Variants in WDR26 observed in about 807,000 individuals in gnomAD.
WDR26 encodes WD repeat domain 26.
WDR26 carries 5 observed loss-of-function variants against 84.1 expected under a neutral mutation model. That is an observed-to-expected ratio of 0.06 (90% CI 0.03 to 0.13). The LOEUF is 0.13. Among genes scored for constraint, WDR26 ranks in the 10% least tolerant of loss-of-function variants. The pLI, the probability that WDR26 is intolerant of heterozygous loss-of-function variation, is 1.00. For synonymous variants in WDR26, 415 were observed against 389.6 expected, an observed-to-expected ratio of 1.07 and a Z score of -0.77; for missense variants, 642 against 974.9, an observed-to-expected ratio of 0.66 and a Z score of 4.55.
chr1:224,434,148 G>T lies in WDR26; in HGVS notation c.258C>A (p.Val86=), dbSNP rs1296524865. Residue 86 remains valine, a synonymous_variant, in exon 1 of 14, where the codon GTC becomes GTA. Coordinates refer to ENST00000414423, the MANE Select transcript of WDR26 (RefSeq NM_001379403.1). ...GGCTGTGGCCGCTACTTCGGTGGGG[G>T]ACAGCAGCGGCGGCGGGAGGGGCAG... 7 of 1,422,224 alleles carry T rather than the reference G, an allele frequency of 4.9e-6. No homozygotes were observed. Among genetic ancestry groups the T allele is most frequent in the Non-Finnish European group, 6.4e-6 (7 of 1,092,194 alleles). 88.1% of individuals were successfully genotyped at this position (1,422,224 alleles called of 1,614,324 possible). A position where few individuals can be genotyped will look rare whatever the true frequency, so the allele number is the denominator to read the frequency against.
chr1:224,418,445 AAAT>A, intron 5 of WDR26, 29 bp from the exon 6 acceptor site: 5 of 1,560,180 alleles, frequency 3.2e-6, no homozygotes, highest in East Asian at 2.4e-5. Context: ...TAAAAAAGAG[AAAT>A]AATAATAAAC....
chr1:224,397,990 AT>A, intron 12 of WDR26, 106 bp downstream of exon 12: 4 of 1,386,482 alleles, frequency 2.9e-6, no homozygotes, highest in Non-Finnish European at 3.9e-6. Context: ...AAATGAAAGA[AT>A]TTTAACTTAC....
chr1:224,400,056 T>A (rs1353297789), intron 9 of WDR26, among the ~76,000 whole-genome samples: 1 of 152,192 alleles, frequency 6.6e-6, no homozygotes, highest in Non-Finnish European at 1.5e-5. Context: ...TAGACTACAC[T>A]GCAAGTAACA....
chr1:224,425,345 A>C (rs937970972), intron 3 of WDR26, among the ~76,000 whole-genome samples: 3 of 152,198 alleles, frequency 2.0e-5, no homozygotes, highest in African/African-American at 7.2e-5. Flanking sequence ...GTTGAACTTA[A>C]AGGTTTTTAA....
At chr1:224,401,221 A>C in intron 8 of WDR26, 152 bp from the exon 9 acceptor site, 1 of 727,768 alleles carries the variant, frequency 1.4e-6, no homozygotes, top group Non-Finnish European at 2.1e-6. Context: ...AAGAGACAAC[A>C]GCACTCAGAA....
In WDR26 at chr1:224,422,657, T is replaced by C. The variant is rs375262311; in HGVS notation, c.1064+1861A>G. On this transcript the variant is annotated intron_variant, in intron 4 of 13. Transcript: ENST00000414423. ...TGAACCCAGGAGGCGAAGGCTGCAG[T>C]GAGCTGAGATTGCACCATTGCACCC... Among the ~76,000 whole-genome samples, 17 of 151,588 alleles carry C rather than the reference T, an allele frequency of 1.1e-4. No individual in the cohort carries two copies. In the East Asian group the frequency reaches 2.3e-3, roughly 21 times the overall value.
chr1:224,393,178 C>T (rs12759275), intron 13 of WDR26, among the ~76,000 whole-genome samples: 27,309 of 152,156 alleles, frequency 0.18, 2,731 homozygotes, highest in Middle Eastern at 0.23. Flanking sequence ...GACCTGATGG[C>T]ACTCAACAAG....
chr1:224,426,606 T>C (rs1330728544), intron 3 of WDR26, among the ~76,000 whole-genome samples: 2 of 151,314 alleles, frequency 1.3e-5, no homozygotes, highest in African/African-American at 4.9e-5. Flanking sequence ...TTAACCTTTC[T>C]ATGTTAAATG....
chr1:224,434,706 G>A lies in WDR26; in HGVS notation c.-301C>T. ...CAGTGGCTGCGGCGGCGGCGGCGGC[G>A]GGCGGCAGCGGAGGCAGCTGCCGCC... On this transcript the variant is annotated 5_prime_UTR_variant, in exon 1 of 14. Transcript: ENST00000414423. 1.1e-6 allele frequency: 1 copy of A among 948,292 alleles called. No individual in the cohort carries two copies. Among genetic ancestry groups the A allele is most frequent in the Non-Finnish European group, 1.3e-6 (1 of 797,184 alleles). The allele number at this position is 948,292 out of a possible 1,614,324, so 58.7% of individuals were successfully genotyped here. A position where few individuals can be genotyped will look rare whatever the true frequency, so the allele number is the denominator to read the frequency against.
intron 9 of WDR26, among the ~76,000 whole-genome samples, chr1:224,399,822 T>C (rs940437058): frequency 6.6e-6 from 1 of 152,194 alleles, no homozygotes; most frequent in African/African-American, 2.4e-5. Context: ...AAAATTGATC[T>C]GGGGTCGGGT....
chr1:224,434,751 CGCTCT>C lies in WDR26; in HGVS notation c.-351_-347del, dbSNP rs1456142614. The C allele has an allele frequency of 1.5e-5, 15 of 987,182 alleles. No individual in the cohort carries two copies. The South Asian group carries it at 5.4e-4, about 36-fold the overall frequency. 61.2% of individuals were successfully genotyped at this position (987,182 alleles called of 1,614,324 possible). ...GCCGCCTCTGTCCTCGGATCCGCTC[CGCTCT>C]GCTCCCTGGTGTGTTGATTCTTCCC... On this transcript the variant is annotated 5_prime_UTR_variant, in exon 1 of 14. Transcript: ENST00000414423.
At chr1:224,405,082 C>T (rs1673515720) in intron 7 of WDR26, among the ~76,000 whole-genome samples, 1 of 152,152 alleles carries the variant, frequency 6.6e-6, no homozygotes, top group Non-Finnish European at 1.5e-5. Context: ...CCATCAGCAG[C>T]TGCCATACCC....
At position 224,429,059 on chromosome 1, in the gene WDR26, C is replaced by T. The variant is rs1017649756; in HGVS notation, c.927+2418G>A. Among the ~76,000 whole-genome samples the T allele has an allele frequency of 5.9e-5, 9 of 152,072 alleles. No homozygotes were observed. In the East Asian group the frequency reaches 9.7e-4, roughly 16 times the overall value. On this transcript the variant is annotated intron_variant, in intron 3 of 13. Transcript: ENST00000414423. ...CGGGCGGATCACAAGGTCAGGAGTT[C>T]GGGACCAGCTTGGCCAATATGGTGA...
At chr1:224,391,385 A>AAC (rs1553351179) in intron 13 of WDR26, among the ~76,000 whole-genome samples, 278 of 45,778 alleles carry the variant, frequency 6.1e-3, no homozygotes, top group Middle Eastern at 0.017. Context: ...AAAAAAAAAC[A>AAC]AAAAAAAAAC....
intron 8 of WDR26, 120 bp downstream of exon 8, chr1:224,404,310 G>A: frequency 8.5e-7 from 1 of 1,182,582 alleles, no homozygotes; most frequent in South Asian, 2.3e-5. Flanking sequence ...ATAACTAAGA[G>A]ATACAGTATA....
In WDR26 at chr1:224,388,025, AT is replaced by A. The variant is rs1673028443; in HGVS notation, c.*1809del. 6.6e-6 allele frequency: 1 copy of A among 152,578 alleles called. No homozygotes were observed. Among genetic ancestry groups the A allele is most frequent in the South Asian group, 2.1e-4 (1 of 4,818 alleles). The allele number at this position is 152,578 out of a possible 1,614,324, so 9.5% of individuals were successfully genotyped here. A position where few individuals can be genotyped will look rare whatever the true frequency, so the allele number is the denominator to read the frequency against. ...GCTTGAAGAAATCTTTTACATACCA[AT>A]TTGATAAGAGTCTGCTGACCACGAT... On this transcript the variant is annotated 3_prime_UTR_variant, in exon 14 of 14. Transcript: ENST00000414423.
At chr1:224,407,151 A>AAAAAATAT in intron 7 of WDR26, among the ~76,000 whole-genome samples, 1 of 11,868 alleles carries the variant, frequency 8.4e-5, no homozygotes, top group Non-Finnish European at 1.4e-4. Flanking sequence ...AAAAAAAAAA[A>AAAAAATAT]ATATATATAT....
intron 11 of WDR26, 118 bp downstream of exon 11, chr1:224,398,397 T>A: frequency 8.3e-7 from 1 of 1,207,950 alleles, no homozygotes; most frequent in Non-Finnish European, 1.1e-6. Flanking sequence ...ATCAATCACA[T>A]GCAATCAAAT....
chr1:224,402,314 A>C (rs929022366), intron 8 of WDR26, among the ~76,000 whole-genome samples: 1 of 152,188 alleles, frequency 6.6e-6, no homozygotes. Flanking sequence ...TGACTGATAT[A>C]AACAGTTGAA....
Sources: gnomAD v4.1 joint callset for allele counts (sites outside exome capture counted in the v4.1 genomes callset) on GRCh38, gnomAD v4.1.1 for gene constraint, MANE v1.5 for transcripts, NCBI Gene and HGNC (gene_info 2026-07-23, HGNC 2026-07-21) for gene names.